The following RBM47 variants were observed in gnomAD, a reference collection of about 807,000 sequenced individuals.
RBM47 encodes the protein RNA binding motif protein 47, also known as RNA-binding protein 47.
RBM47 carries 21 observed loss-of-function variants against 47.1 expected under a neutral mutation model. The observed-to-expected ratio is 0.45, with a 90% CI of 0.32 to 0.64. RBM47 has a LOEUF of 0.64. Ranked by LOEUF, RBM47 falls within the 30% of genes least tolerant of loss-of-function variation. RBM47 has a pLI of 0.05. For synonymous variants in RBM47, 375 were observed against 361.7 expected (o/e 1.04, Z -0.42); for missense variants, 708 against 870.9 (o/e 0.81, Z 2.35).
chr4:40,457,443 A>C (rs1215716875), intron 3 of RBM47, among the ~76,000 whole-genome samples: 1 of 151,892 alleles, frequency 6.6e-6, no homozygotes, highest in Non-Finnish European at 1.5e-5. Context: ...AAAAAACAAA[A>C]AAAAGGCATT....
intron 2 of RBM47, among the ~76,000 whole-genome samples, chr4:40,532,309 ATT>A (rs34850081): frequency 0.25 from 15,662 of 63,910 alleles, 548 homozygotes; most frequent in Middle Eastern, 0.3. Flanking sequence ...CACGCCCGGC[ATT>A]TTTTTTTTTT....
At chr4:40,602,076 G>A (rs574994597) in intron 1 of RBM47, among the ~76,000 whole-genome samples, 1 of 152,226 alleles carries the variant, frequency 6.6e-6, no homozygotes, top group Non-Finnish European at 1.5e-5. Flanking sequence ...GCTGAGGCAG[G>A]AGAATCGCTT....
chr4:40,459,236 C>T (rs1716736624), intron 3 of RBM47, among the ~76,000 whole-genome samples: 1 of 152,134 alleles, frequency 6.6e-6, no homozygotes, highest in Non-Finnish European at 1.5e-5. Flanking sequence ...ATCCCCAGTG[C>T]CTGGCACTGA....
At chr4:40,583,715 G>A (rs1216837449) in intron 1 of RBM47, among the ~76,000 whole-genome samples, 6 of 151,420 alleles carry the variant, frequency 4.0e-5, no homozygotes, top group Non-Finnish European at 7.4e-5. Context: ...AAAATTAGCC[G>A]GGCGCGGTGG....
At chr4:40,618,898 G>A (rs1337882965) in intron 1 of RBM47, among the ~76,000 whole-genome samples, 1 of 146,228 alleles carries the variant, frequency 6.8e-6, no homozygotes, top group Non-Finnish European at 1.5e-5. Context: ...ACCCAAAATT[G>A]AACTCCTGAT....
At chr4:40,517,080 G>A (rs1160967761) in intron 2 of RBM47, among the ~76,000 whole-genome samples, 1 of 151,890 alleles carries the variant, frequency 6.6e-6, no homozygotes, top group Non-Finnish European at 1.5e-5. Flanking sequence ...GTATTTGCGT[G>A]TCCTCAAATG....
At chr4:40,540,203 C>G (rs1728373851) in intron 2 of RBM47, among the ~76,000 whole-genome samples, 3 of 152,056 alleles carry the variant, frequency 2.0e-5, no homozygotes, top group Admixed American at 6.6e-5. Flanking sequence ...AGGCCCCAAT[C>G]TAAACACTTT....
chr4:40,478,113 T>TCTCCTGCCTC (rs1261257985), intron 2 of RBM47, among the ~76,000 whole-genome samples: 1 of 148,704 alleles, frequency 6.7e-6, no homozygotes, highest in African/African-American at 2.5e-5. Flanking sequence ...CCTCCTGGGT[T>TCTCCTGCCTC]CAAGCGATTC....
At chr4:40,574,454 C>T (rs1036808393) in intron 1 of RBM47, among the ~76,000 whole-genome samples, 3 of 152,156 alleles carry the variant, frequency 2.0e-5, no homozygotes, top group African/African-American at 7.2e-5. Flanking sequence ...CTTTTCAGAA[C>T]GTTAGACAAA....
intron 2 of RBM47, among the ~76,000 whole-genome samples, chr4:40,516,442 T>C (rs1725592432): frequency 6.6e-6 from 1 of 151,806 alleles, no homozygotes; most frequent in Admixed American, 6.6e-5. Flanking sequence ...GTATTTTTAG[T>C]AGAGACAGGG....
In RBM47 at chr4:40,544,410, A is replaced by C. The variant is rs1728827107; in HGVS notation, c.-155+12T>G. The C allele has an allele frequency of 6.6e-6, 1 of 152,242 alleles. No individual in the cohort carries two copies. 9.4% of individuals were successfully genotyped at this position (152,242 alleles called of 1,614,324 possible). On this transcript the variant is annotated intron_variant, in intron 2 of 6. Transcript: ENST00000295971. Reference sequence around the variant, plus strand: ...GTGCATTTGAGTCATGGTGAAGATGATGCCAACTTACCAAACCTCCTCAGT... The same window carrying C: ...GTGCATTTGAGTCATGGTGAAGATGCTGCCAACTTACCAAACCTCCTCAGT...
At chr4:40,518,158 C>CTTTTTTTTTTTTTTT (rs530465415) in intron 2 of RBM47, among the ~76,000 whole-genome samples, 1 of 70,682 alleles carries the variant, frequency 1.4e-5, no homozygotes, top group Non-Finnish European at 2.5e-5. Flanking sequence ...CTTTTCTTTT[C>CTTTTTTTTTTTTTTT]TTTTTTTTTT....
intron 2 of RBM47, among the ~76,000 whole-genome samples, chr4:40,497,527 G>T (rs1004045993): frequency 2.6e-5 from 4 of 152,024 alleles, no homozygotes; most frequent in Non-Finnish European, 5.9e-5. Flanking sequence ...GCTGAGGATG[G>T]AGGATGGCTT....
At chr4:40,477,368 C>T (rs1719770218) in intron 2 of RBM47, among the ~76,000 whole-genome samples, 1 of 152,070 alleles carries the variant, frequency 6.6e-6, no homozygotes, top group Non-Finnish European at 1.5e-5. Flanking sequence ...AAGATTATAA[C>T]TATGTTAAAT....
chr4:40,622,472 C>T (rs1213517785), intron 1 of RBM47, among the ~76,000 whole-genome samples: 3 of 152,046 alleles, frequency 2.0e-5, no homozygotes, highest in South Asian at 2.1e-4. Flanking sequence ...TGGTAGCAGG[C>T]GAGGTTAAAG....
Position 40,617,155 on chromosome 4 carries a change from C to T in RBM47, c.-240+12241G>A, listed in dbSNP as rs1166528427. Among the ~76,000 whole-genome samples the T allele has an allele frequency of 4.6e-5, 7 of 151,922 alleles. No individual in the cohort carries two copies. The South Asian group carries it at 6.3e-4, about 14-fold the overall frequency. ...CCTCCCAAAGTGCTGGGATTACAGG[C>T]GTGAGACACTGCGCCTGGCCTCATC... On this transcript the variant is annotated intron_variant, in intron 1 of 6. Transcript: ENST00000295971.
intron 1 of RBM47, among the ~76,000 whole-genome samples, chr4:40,583,164 C>A (rs761864984): frequency 6.6e-5 from 10 of 152,014 alleles, no homozygotes; most frequent in Non-Finnish European, 1.5e-4. Context: ...CAGTGGCTCA[C>A]GCCTGTAATT....
intron 2 of RBM47, among the ~76,000 whole-genome samples, chr4:40,494,181 G>A (rs1339331895): frequency 1.3e-5 from 2 of 152,046 alleles, no homozygotes; most frequent in African/African-American, 2.4e-5. Context: ...GACAAAACAA[G>A]TTCTCAATAA....
intron 1 of RBM47, among the ~76,000 whole-genome samples, chr4:40,584,400 T>C (rs2154271896): frequency 6.6e-6 from 1 of 152,300 alleles, no homozygotes; most frequent in African/African-American, 2.4e-5. Context: ...ATAAATGCAA[T>C]GGGAGACACG....
Sources: gnomAD v4.1 joint callset for allele counts (sites outside exome capture counted in the v4.1 genomes callset) on GRCh38, gnomAD v4.1.1 for gene constraint, MANE v1.5 for transcripts, NCBI Gene and HGNC (gene_info 2026-07-23, HGNC 2026-07-21) for gene names.